The following SASH1 variants were observed in gnomAD, a reference collection of about 807,000 sequenced individuals.
SASH1 encodes the protein SAM and SH3 domain-containing protein 1.
A neutral mutation model predicts 125.2 loss-of-function variants in SASH1; 44 were observed. The observed-to-expected ratio is 0.35, with a 90% CI of 0.28 to 0.45. The LOEUF is 0.45. SASH1 is among the 20% of genes least tolerant of loss of function. The pLI is 1.00. For missense variants in SASH1, 1,426 were observed against 1,614.5 expected (o/e 0.88, Z 2.00); for synonymous variants, 639 against 649.1 (o/e 0.98, Z 0.24).
chr6:148,329,555 A>G (rs1780928613), intron 1 of SASH1, among the ~76,000 whole-genome samples: 1 of 152,214 alleles, frequency 6.6e-6, no homozygotes, highest in South Asian at 2.1e-4. Flanking sequence ...ATTTCTTCAT[A>G]GAGTTCATTT....
intron 1 of SASH1, among the ~76,000 whole-genome samples, chr6:148,344,848 T>G (rs889260920): frequency 6.6e-6 from 1 of 151,646 alleles, no homozygotes; most frequent in African/African-American, 2.4e-5. Flanking sequence ...CTCCGCCTCC[T>G]GAGTTCAAGC....
chr6:148,395,291 T>C (rs894676356), intron 2 of SASH1, among the ~76,000 whole-genome samples: 2 of 152,192 alleles, frequency 1.3e-5, no homozygotes, highest in African/African-American at 4.8e-5. Flanking sequence ...GCATTGTCCT[T>C]AAGAGCTAAT....
intron 1 of SASH1, among the ~76,000 whole-genome samples, chr6:148,379,591 C>A (rs1783051413): frequency 6.6e-6 from 1 of 152,048 alleles, no homozygotes; most frequent in Non-Finnish European, 1.5e-5. Context: ...AACTTTACTG[C>A]CATCCATCCA....
the SASH1 span, among the ~76,000 whole-genome samples, chr6:148,203,661 G>T: frequency 0.041 from 6,263 of 152,254 alleles, 172 homozygotes; most frequent in Non-Finnish European, 0.057. Flanking sequence ...ACACCATCTG[G>T]CGTATAACTA....
intron 1 of SASH1, among the ~76,000 whole-genome samples, chr6:148,308,943 G>C (rs554524846): frequency 6.6e-6 from 1 of 151,498 alleles, no homozygotes; most frequent in Admixed American, 6.6e-5. Flanking sequence ...AATTAGCCAG[G>C]GGTGGTGGCA....
chr6:148,276,240 AG>A (rs1218059085), intron 1 of SASH1, among the ~76,000 whole-genome samples: 1 of 152,208 alleles, frequency 6.6e-6, no homozygotes, highest in African/African-American at 2.4e-5. Context: ...TCCGTGTAAA[AG>A]CCCTAGCCTA....
the SASH1 span, among the ~76,000 whole-genome samples, chr6:148,209,496 G>T: frequency 1.3e-5 from 2 of 152,212 alleles, no homozygotes; most frequent in Non-Finnish European, 2.9e-5. Context: ...GTGGGGCTTG[G>T]TTAAATCAAG....
At chr6:148,225,002 G>T in the SASH1 span, among the ~76,000 whole-genome samples, 1 of 152,154 alleles carries the variant, frequency 6.6e-6, no homozygotes, top group African/African-American at 2.4e-5. Context: ...AAGGACCGCT[G>T]GGATGGTTAG....
chr6:148,293,412 C>T (rs1779684719), intron 1 of SASH1, among the ~76,000 whole-genome samples: 1 of 152,206 alleles, frequency 6.6e-6, no homozygotes, highest in African/African-American at 2.4e-5. Context: ...GAACTGTTTG[C>T]TTATTCTTCC....
Position 148,485,833 on chromosome 6 carries a change from C to T in SASH1, c.628-1781C>T, listed in dbSNP as rs544472666. On this transcript the variant is annotated intron_variant, in intron 7 of 19. Transcript: ENST00000367467. The stretch of plus-strand genomic sequence containing the variant: ...CTTCGGGATTGTCCAGTCACCATCA[C>T]GTGGGCAGGCAGGTTCAATTATTTC... Among the ~76,000 whole-genome samples the T allele has an allele frequency of 2.0e-5, 3 of 152,286 alleles. No individual in the cohort carries two copies. The East Asian group carries it at 5.8e-4, about 29-fold the overall frequency.
chr6:148,381,085 G>A (rs1393481920), intron 1 of SASH1, among the ~76,000 whole-genome samples: 2 of 152,158 alleles, frequency 1.3e-5, no homozygotes, highest in East Asian at 1.9e-4. Context: ...TTCATCATAC[G>A]TGAAAATCAC....
At chr6:148,458,662 CATT>C (rs1475471300) in intron 4 of SASH1, among the ~76,000 whole-genome samples, 4 of 152,066 alleles carry the variant, frequency 2.6e-5, no homozygotes. Flanking sequence ...TATGACCTCT[CATT>C]ATAAAAAATA....
intron 2 of SASH1, among the ~76,000 whole-genome samples, chr6:148,417,534 A>G (rs187951427): frequency 2.6e-5 from 4 of 152,062 alleles, no homozygotes; most frequent in African/African-American, 9.7e-5. Context: ...GCAGTGAGCC[A>G]AGATTGTGCC....
chr6:148,387,652 CTT>C (rs1280590159), intron 1 of SASH1, among the ~76,000 whole-genome samples: 4 of 47,304 alleles, frequency 8.5e-5, no homozygotes, highest in East Asian at 6.4e-4. Context: ...TTCTTTCTTT[CTT>C]TCTTTCTTTC....
intron 8 of SASH1, among the ~76,000 whole-genome samples, chr6:148,507,740 C>G (rs2115298308): frequency 6.6e-6 from 1 of 152,278 alleles, no homozygotes. Context: ...TCCTACGCAT[C>G]CCTGAGTCCT....
chr6:148,391,422 T>TAAAAA (rs398038813), intron 2 of SASH1, among the ~76,000 whole-genome samples: 5 of 114,440 alleles, frequency 4.4e-5, no homozygotes, highest in South Asian at 2.8e-4. Context: ...GACACTTTTA[T>TAAAAA]AAAAAAAAAA....
At chr6:148,207,975 T>A in the SASH1 span, among the ~76,000 whole-genome samples, 10 of 152,178 alleles carry the variant, frequency 6.6e-5, no homozygotes, top group Non-Finnish European at 1.5e-4. Flanking sequence ...TCAGAGACCA[T>A]GACTGCATTT....
intron 1 of SASH1, among the ~76,000 whole-genome samples, chr6:148,337,679 C>A (rs527887087): frequency 6.6e-6 from 1 of 152,230 alleles, no homozygotes; most frequent in African/African-American, 2.4e-5. Context: ...CAAGTTTTTA[C>A]AAAGCAAGCC....
chr6:148,285,485 C>T (rs1264689411), intron 1 of SASH1, among the ~76,000 whole-genome samples: 2 of 152,194 alleles, frequency 1.3e-5, no homozygotes, highest in Admixed American at 1.3e-4. Flanking sequence ...GGGATAGTAG[C>T]TAGAGAACAC....
Sources: gnomAD v4.1 joint callset for allele counts (sites outside exome capture counted in the v4.1 genomes callset) on GRCh38, gnomAD v4.1.1 for gene constraint, MANE v1.5 for transcripts, NCBI Gene and HGNC (gene_info 2026-07-23, HGNC 2026-07-21) for gene names.